PLA2G4A: variants seen among roughly 807,000 people sequenced by gnomAD.
PLA2G4A encodes the protein cytosolic phospholipase A2.
Under a neutral mutation model 81.9 loss-of-function variants are expected in PLA2G4A, and 40 were observed. The observed-to-expected ratio is 0.49, with a 90% CI of 0.38 to 0.64. The LOEUF (loss-of-function observed/expected upper bound fraction) is 0.64, where lower values mean the gene tolerates loss of function less well. Among genes scored for constraint, PLA2G4A ranks in the 30% least tolerant of loss-of-function variants. The pLI, the probability that PLA2G4A is intolerant of heterozygous loss-of-function variation, is 0.00. For synonymous variants in PLA2G4A, 302 were observed against 296.9 expected, an observed-to-expected ratio of 1.02 and a Z score of -0.18; for missense variants, 715 against 905.1, an observed-to-expected ratio of 0.79 and a Z score of 2.69.
chr1:186,922,604 G>A (rs1470941797), intron 7 of PLA2G4A, among the ~76,000 whole-genome samples: 1 of 152,168 alleles, frequency 6.6e-6, no homozygotes, highest in Admixed American at 6.5e-5. Flanking sequence ...CACAGGGCAG[G>A]CCTAAGCCAC....
At chr1:186,985,492 T>A (rs1162966907) in intron 17 of PLA2G4A, among the ~76,000 whole-genome samples, 1 of 152,172 alleles carries the variant, frequency 6.6e-6, no homozygotes, top group Non-Finnish European at 1.5e-5. Context: ...ATATTTGTAA[T>A]TTTTACTTCT....
intron 7 of PLA2G4A, among the ~76,000 whole-genome samples, chr1:186,919,566 C>T (rs1655269641): frequency 1.3e-5 from 2 of 152,164 alleles, no homozygotes; most frequent in Non-Finnish European, 2.9e-5. Context: ...TTGTAGGTCT[C>T]AAGCCACGGC....
At chr1:186,950,559 C>T (rs915014195) in intron 12 of PLA2G4A, 98 bp from the exon 13 acceptor site, 20 of 694,214 alleles carry the variant, frequency 2.9e-5, no homozygotes, top group Non-Finnish European at 4.0e-5. Context: ...GCTAGTAGAT[C>T]TCACTCTGTG....
At chr1:186,929,683 C>T (rs750568121) in intron 7 of PLA2G4A, among the ~76,000 whole-genome samples, 1 of 151,968 alleles carries the variant, frequency 6.6e-6, no homozygotes, top group African/African-American at 2.4e-5. Context: ...TGTGGCAGAC[C>T]CAACTTTGAC....
At chr1:186,941,660 G>A (rs1233959508) in intron 10 of PLA2G4A, among the ~76,000 whole-genome samples, 3 of 152,168 alleles carry the variant, frequency 2.0e-5, no homozygotes, top group Non-Finnish European at 2.9e-5. Context: ...AACTTCTGAT[G>A]TGTACATAGT....
In PLA2G4A at chr1:186,979,299, C is replaced by T; in HGVS notation, c.1961-16C>T. The T allele has an allele frequency of 1.3e-6, 2 of 1,596,956 alleles. No individual in the cohort carries two copies. The highest frequency in any genetic ancestry group is 8.6e-7 in the Non-Finnish European group (1 of 1,164,336). The stretch of plus-strand genomic sequence containing the variant: ...GTTTTCAAAATAACACCCTTTGTGA[C>T]TCTTCTGGTATTTAGGTGTTCCAAG... On this transcript the variant is annotated splice_polypyrimidine_tract_variant and intron_variant, in intron 16 of 17. Coordinates refer to ENST00000367466, the MANE Select transcript of PLA2G4A (RefSeq NM_024420.3).
rs758656530 is a variant in PLA2G4A, at chr1:186,884,256, C to CT, written c.116-8739dup. ...TGAAGGACTACATCTAATCCTCCCCCTTTTTTTTTTTTTTTTAGTGAAGTG... is the reference window on the plus strand; with the variant it reads ...TGAAGGACTACATCTAATCCTCCCCCTTTTTTTTTTTTTTTTTAGTGAAGTG... On this transcript the variant is annotated intron_variant, in intron 3 of 17. Coordinates refer to ENST00000367466, the MANE Select transcript of PLA2G4A (RefSeq NM_024420.3). 7.6e-3 allele frequency among the ~76,000 whole-genome samples: 1,039 copies of CT among 136,308 alleles called. 5 individuals carry two copies. The highest frequency in any genetic ancestry group is 9.5e-3 in the Non-Finnish European group (597 of 62,658). 89.4% of individuals were successfully genotyped at this position (136,308 alleles called of 152,430 possible). A position where few individuals can be genotyped will look rare whatever the true frequency, so the allele number is the denominator to read the frequency against.
intron 1 of PLA2G4A, among the ~76,000 whole-genome samples, chr1:186,829,735 G>GA (rs12720486): frequency 0.024 from 3,645 of 151,606 alleles, 151 homozygotes; most frequent in African/African-American, 0.083. Flanking sequence ...AAAAAAAACA[G>GA]AAAAAAAAGG....
chr1:186,869,572 T>A (rs1380350134), intron 2 of PLA2G4A, among the ~76,000 whole-genome samples: 1 of 152,212 alleles, frequency 6.6e-6, no homozygotes, highest in Non-Finnish European at 1.5e-5. Flanking sequence ...TTTTGCCTCC[T>A]TGCATTTAGA....
chr1:186,857,318 AATATAATATAAATATAAT>A (rs1007225972), intron 2 of PLA2G4A, among the ~76,000 whole-genome samples: 78 of 120,870 alleles, frequency 6.5e-4, no homozygotes, highest in Non-Finnish European at 4.4e-4. Context: ...TATTATATGT[AATATAATATAAATATAAT>A]ATTATATATA....
At chr1:186,978,593 A>G (rs180850009) in intron 16 of PLA2G4A, among the ~76,000 whole-genome samples, 84 of 152,338 alleles carry the variant, frequency 5.5e-4, no homozygotes, top group Middle Eastern at 3.4e-3. Flanking sequence ...ATTTTTAGTT[A>G]TCAGACACTA....
At chr1:186,938,090 G>T (rs1656019809) in intron 8 of PLA2G4A, among the ~76,000 whole-genome samples, 1 of 151,980 alleles carries the variant, frequency 6.6e-6, no homozygotes, top group Non-Finnish European at 1.5e-5. Context: ...TTTTTATTTT[G>T]TTCTGTGAGT....
chr1:186,921,547 G>C (rs1421940359), intron 7 of PLA2G4A, among the ~76,000 whole-genome samples: 1 of 152,068 alleles, frequency 6.6e-6, no homozygotes, highest in Non-Finnish European at 1.5e-5. Flanking sequence ...TCCAGTCTTG[G>C]GCCATAAGCA....
intron 7 of PLA2G4A, among the ~76,000 whole-genome samples, chr1:186,931,814 C>T (rs1027991879): frequency 2.6e-5 from 4 of 152,146 alleles, no homozygotes; most frequent in African/African-American, 9.7e-5. Context: ...ACTGAGTGCA[C>T]TGTTTCTTCC....
At chr1:186,839,862 G>A (rs754606169) in intron 1 of PLA2G4A, among the ~76,000 whole-genome samples, 1 of 150,552 alleles carries the variant, frequency 6.6e-6, no homozygotes, top group Admixed American at 6.6e-5. Flanking sequence ...CCCCACAGAA[G>A]TAGAAGGGGA....
chr1:186,846,251 C>A (rs1371958654), intron 1 of PLA2G4A, among the ~76,000 whole-genome samples: 3 of 152,140 alleles, frequency 2.0e-5, no homozygotes, highest in Non-Finnish European at 2.9e-5. Flanking sequence ...GCTGCCTATT[C>A]CTAACTGGAA....
intron 6 of PLA2G4A, among the ~76,000 whole-genome samples, chr1:186,908,622 A>T (rs1654824139): frequency 6.6e-6 from 1 of 152,094 alleles, no homozygotes; most frequent in Non-Finnish European, 1.5e-5. Flanking sequence ...TTTACAAAAC[A>T]TTGGAAATTA....
intron 15 of PLA2G4A, among the ~76,000 whole-genome samples, chr1:186,971,291 C>T: frequency 6.6e-6 from 1 of 152,014 alleles, no homozygotes; most frequent in East Asian, 1.9e-4. Context: ...ATTTTAATAA[C>T]TGTAGCTTTA....
rs557066015 is a variant in PLA2G4A at position 186,906,945 on chromosome 1, A to C, written c.379-20A>C. 1.5e-5 allele frequency: 20 copies of C among 1,375,534 alleles called. No individual in the cohort carries two copies. Among genetic ancestry groups the C allele is most frequent in the Non-Finnish European group, 1.9e-5 (18 of 964,026 alleles). 85.2% of individuals were successfully genotyped at this position (1,375,534 alleles called of 1,614,324 possible). A position where few individuals can be genotyped will look rare whatever the true frequency, so the allele number is the denominator to read the frequency against. The stretch of plus-strand genomic sequence containing the variant: ...CATATCTACTTTATGACCTAATCTG[A>C]TTAACATGTCTTTTTTTAGGTCACT... On this transcript the variant is annotated intron_variant, in intron 5 of 17. Transcript: ENST00000367466.
Sources: gnomAD v4.1 joint callset for allele counts (sites outside exome capture counted in the v4.1 genomes callset) on GRCh38, gnomAD v4.1.1 for gene constraint, MANE v1.5 for transcripts, NCBI Gene and HGNC (gene_info 2026-07-23, HGNC 2026-07-21) for gene names.